The following PRR5L variants were observed in gnomAD, a reference collection of about 807,000 sequenced individuals.
PRR5L encodes the protein proline rich 5 like.
A neutral mutation model predicts 36.4 loss-of-function variants in PRR5L; 21 were observed. The observed-to-expected ratio is 0.58, with a 90% CI of 0.41 to 0.83. PRR5L has a LOEUF of 0.83. PRR5L is among the 40% of genes least tolerant of loss of function. PRR5L has a pLI of 0.00. For missense variants in PRR5L, 381 were observed against 473.3 expected, an observed-to-expected ratio of 0.80 and a Z score of 1.81; for synonymous variants, 188 against 197.0, an observed-to-expected ratio of 0.95 and a Z score of 0.38.
At chr11:36,382,830 G>A (rs900457613) in intron 1 of PRR5L, among the ~76,000 whole-genome samples, 2 of 152,174 alleles carry the variant, frequency 1.3e-5, no homozygotes, top group African/African-American at 4.8e-5. Flanking sequence ...CTAGACCAGT[G>A]TTATCAAGCC....
chr11:36,430,869 T>A (rs1858478622), intron 4 of PRR5L, among the ~76,000 whole-genome samples: 1 of 152,360 alleles, frequency 6.6e-6, no homozygotes, highest in African/African-American at 2.4e-5. Context: ...CTGCTCCATA[T>A]GCTTCTTTTA....
chr11:36,317,692 T>C (rs1377170005), intron 1 of PRR5L, among the ~76,000 whole-genome samples: 1 of 152,198 alleles, frequency 6.6e-6, no homozygotes, highest in Non-Finnish European at 1.5e-5. Flanking sequence ...TATACCTATT[T>C]GCATTTTCAT....
At chr11:36,417,187 G>A (rs10836554) in intron 3 of PRR5L, among the ~76,000 whole-genome samples, 46,210 of 151,976 alleles carry the variant, frequency 0.3, 7,432 homozygotes, top group East Asian at 0.48. Flanking sequence ...TCCTTGGGAA[G>A]CTCTCTCCTA....
chr11:36,445,190 A>AT (rs1858803071), intron 6 of PRR5L, among the ~76,000 whole-genome samples: 1 of 152,238 alleles, frequency 6.6e-6, no homozygotes, highest in Non-Finnish European at 1.5e-5. Flanking sequence ...TGCAGGAAAT[A>AT]TAAAACATCC....
chr11:36,453,964 T>G (rs1858996125), intron 8 of PRR5L: 1 of 152,598 alleles, frequency 6.6e-6, no homozygotes, highest in Non-Finnish European at 1.5e-5. Flanking sequence ...TGAAAGGGCT[T>G]CAGAGTTGCA....
chr11:36,401,854 G>A (rs1379056238), intron 2 of PRR5L, among the ~76,000 whole-genome samples: 4 of 152,196 alleles, frequency 2.6e-5, no homozygotes, highest in Non-Finnish European at 5.9e-5. Flanking sequence ...TGGGACAGTT[G>A]CACTGGAATT....
chr11:36,336,844 CT>C (rs1199827903), intron 1 of PRR5L, among the ~76,000 whole-genome samples: 3 of 152,066 alleles, frequency 2.0e-5, no homozygotes, highest in African/African-American at 4.8e-5. Context: ...AAGAAATTAT[CT>C]CATATCATTA....
Position 36,401,027 on chromosome 11 carries a change from C to G in PRR5L, c.-95C>G. On this transcript the variant is annotated 5_prime_UTR_variant, in exon 2 of 9. Coordinates refer to ENST00000530639, the MANE Select transcript of PRR5L (RefSeq NM_001160167.2). ...GGCTACGTTTGTGGTTTTAAGAAAG[C>G]CTGAGGGCCTGAAGGCAGCCCCTGG... 6.6e-7 allele frequency: 1 copy of G among 1,520,710 alleles called. No individual in the cohort carries two copies. The allele number at this position is 1,520,710 out of a possible 1,614,324, so 94.2% of individuals were successfully genotyped here.
At chr11:36,372,047 G>A (rs959319614) in intron 1 of PRR5L, among the ~76,000 whole-genome samples, 1 of 152,104 alleles carries the variant, frequency 6.6e-6, no homozygotes, top group Non-Finnish European at 1.5e-5. Context: ...GACAGAGAGA[G>A]ATTCCATCTC....
At chr11:36,310,792 A>G (rs750752617) in intron 1 of PRR5L, among the ~76,000 whole-genome samples, 2 of 152,036 alleles carry the variant, frequency 1.3e-5, no homozygotes, top group African/African-American at 2.4e-5. Context: ...AGGTCAGAAG[A>G]TTGAGACCAT....
chr11:36,393,815 A>C (rs1857605886), intron 1 of PRR5L: 1 of 152,222 alleles, frequency 6.6e-6, no homozygotes. Context: ...TGAACATGGA[A>C]TGTCTTTCCA....
chr11:36,395,709 A>G (rs1284018850), intron 1 of PRR5L, among the ~76,000 whole-genome samples: 2 of 152,026 alleles, frequency 1.3e-5, no homozygotes, highest in Non-Finnish European at 2.9e-5. Flanking sequence ...CTAGTTCATC[A>G]TTATTTATTT....
chr11:36,355,756 T>A (rs936061785), intron 1 of PRR5L, among the ~76,000 whole-genome samples: 1 of 151,660 alleles, frequency 6.6e-6, no homozygotes, highest in African/African-American at 2.4e-5. Context: ...AGAAATAGGG[T>A]TTCACCATGT....
intron 8 of PRR5L, among the ~76,000 whole-genome samples, chr11:36,457,874 G>A (rs1859097848): frequency 6.6e-6 from 1 of 152,196 alleles, no homozygotes. Context: ...ACTTCTATCA[G>A]CAGTGAGAGA....
At chr11:36,333,287 G>T (rs985920091) in intron 1 of PRR5L, among the ~76,000 whole-genome samples, 1 of 152,124 alleles carries the variant, frequency 6.6e-6, no homozygotes, top group Non-Finnish European at 1.5e-5. Flanking sequence ...CTGCTCGTGG[G>T]GATGGAAAAT....
At chr11:36,443,664 CATT>C (rs1204459834) in intron 6 of PRR5L, among the ~76,000 whole-genome samples, 3 of 152,180 alleles carry the variant, frequency 2.0e-5, no homozygotes, top group Non-Finnish European at 4.4e-5. Context: ...TCATCAATAT[CATT>C]ATTATTCTCT....
At position 36,371,974 on chromosome 11, in the gene PRR5L, C is replaced by T. The variant is rs573781550; in HGVS notation, c.-125-29023C>T. Among the ~76,000 whole-genome samples, 28 of 152,300 alleles carry T rather than the reference C, an allele frequency of 1.8e-4. No homozygotes were observed. In the South Asian group the frequency reaches 5.8e-3, roughly 32 times the overall value. The stretch of plus-strand genomic sequence containing the variant: ...TTGGGAGGCTGAGGCAGGACAGTCA[C>T]TTGAACCCAGGAGGCAGAATTTGCA... On this transcript the variant is annotated intron_variant, in intron 1 of 8. Transcript: ENST00000530639.
rs1173406193 is a variant in PRR5L at position 36,431,842 on chromosome 11, T to C, written c.295-11T>C. 1.2e-6 allele frequency: 2 copies of C among 1,613,848 alleles called. No individual in the cohort carries two copies. Among genetic ancestry groups the C allele is most frequent in the Non-Finnish European group, 8.5e-7 (1 of 1,179,820 alleles). On this transcript the variant is annotated splice_polypyrimidine_tract_variant and intron_variant, in intron 4 of 8. Transcript: ENST00000530639. ...GTCCAAATTCTTATGTTCTTTGTTC[T>C]CTTTTGGCAGAACCAGCTTCTTGCA...
intron 4 of PRR5L, 95 bp downstream of exon 4, chr11:36,419,398 C>A: frequency 9.2e-7 from 1 of 1,089,350 alleles, no homozygotes; most frequent in Non-Finnish European, 1.4e-6. Context: ...GACATTCCTT[C>A]AACAGACAAA....
Sources: allele counts gnomAD v4.1 joint callset (sites outside exome capture counted in the v4.1 genomes callset), GRCh38; gene constraint gnomAD v4.1.1; transcripts MANE v1.5; gene names NCBI Gene and HGNC (gene_info 2026-07-23, HGNC 2026-07-21).